MRPL13: variants seen among roughly 807,000 people sequenced by gnomAD.
MRPL13 encodes the protein mitochondrial ribosomal protein L13, also known as large ribosomal subunit protein uL13m.
In MRPL13, 33 loss-of-function variants were observed where a neutral mutation model predicts 29.0. That is an observed-to-expected ratio of 1.14 (90% CI 0.86 to 1.52). The LOEUF is 1.52. MRPL13 is among the 40% of genes most tolerant of loss of function. MRPL13 has a pLI of 0.00. For missense variants in MRPL13, 227 were observed against 216.7 expected, an observed-to-expected ratio of 1.05 and a Z score of -0.30; for synonymous variants, 77 against 68.4, an observed-to-expected ratio of 1.13 and a Z score of -0.62.
At chr8:120,418,466 ATGTTG>A (rs775119635) in intron 5 of MRPL13, among the ~76,000 whole-genome samples, 1 of 152,090 alleles carries the variant, frequency 6.6e-6, no homozygotes, top group African/African-American at 2.4e-5. Context: ...GAGATGCACC[ATGTTG>A]TGCTACCACC....
intron 6 of MRPL13, among the ~76,000 whole-genome samples, chr8:120,406,479 C>T (rs904315117): frequency 5.3e-5 from 8 of 151,258 alleles, no homozygotes; most frequent in East Asian, 1.9e-4. Context: ...CTGTGGGCGC[C>T]GGGAATAAAG....
chr8:120,408,822 G>A (rs1006517902), intron 6 of MRPL13, among the ~76,000 whole-genome samples: 18 of 152,166 alleles, frequency 1.2e-4, no homozygotes, highest in Admixed American at 3.9e-4. Flanking sequence ...AGGATTAACA[G>A]CTTTCATATC....
intron 6 of MRPL13, among the ~76,000 whole-genome samples, chr8:120,409,474 T>A (rs987095585): frequency 1.3e-5 from 2 of 152,148 alleles, no homozygotes; most frequent in African/African-American, 4.8e-5. Context: ...CATGTAACAA[T>A]TGATAGTATT....
At chr8:120,407,402 T>G (rs1812686705) in intron 6 of MRPL13, among the ~76,000 whole-genome samples, 1 of 152,088 alleles carries the variant, frequency 6.6e-6, no homozygotes, top group Non-Finnish European at 1.5e-5. Context: ...TTCCCAGCAC[T>G]TTGGGAGGCC....
rs200151385 is a variant in MRPL13 at position 120,445,137 on chromosome 8, A to G, written c.-43T>C. The G allele has an allele frequency of 3.7e-4, 596 of 1,613,158 alleles. No individual in the cohort carries two copies. The highest frequency in any genetic ancestry group is 4.8e-4 in the Non-Finnish European group (562 of 1,179,450). On this transcript the variant is annotated 5_prime_UTR_variant, in exon 1 of 7. Transcript: ENST00000306185. ...ACCGTACGTCCTTCTCCTAGTAGCC[A>G]CGCCGGGTCACTCAGCCTTACTGGC... is the stretch of plus-strand genomic sequence containing the variant.
chr8:120,399,608 T>C (rs1812563721), intron 6 of MRPL13, among the ~76,000 whole-genome samples: 1 of 152,058 alleles, frequency 6.6e-6, no homozygotes, highest in Admixed American at 6.6e-5. Context: ...AATAACCAGC[T>C]AGCATCATGA....
intron 5 of MRPL13, among the ~76,000 whole-genome samples, chr8:120,419,363 T>A (rs1002544123): frequency 2.0e-5 from 3 of 152,038 alleles, no homozygotes; most frequent in Middle Eastern, 6.8e-3. Flanking sequence ...AATAAAAATG[T>A]TTACACTCTT....
chr8:120,419,308 T>C (rs1253261029), intron 5 of MRPL13, among the ~76,000 whole-genome samples: 3 of 151,940 alleles, frequency 2.0e-5, no homozygotes, highest in Non-Finnish European at 2.9e-5. Flanking sequence ...CATTACATCA[T>C]ATTAAGGAGA....
At chr8:120,419,659 G>T in intron 5 of MRPL13, 193 bp downstream of exon 5, 1 of 358,182 alleles carries the variant, frequency 2.8e-6, no homozygotes, top group Non-Finnish European at 4.9e-6. Flanking sequence ...TCCAATGATG[G>T]TTCATTTTAC....
chr8:120,415,610 G>T (rs1812794342), intron 5 of MRPL13: 1 of 152,066 alleles, frequency 6.6e-6, no homozygotes, highest in South Asian at 2.1e-4. Context: ...GTTTGGATAG[G>T]CTGGGTCACT....
intron 2 of MRPL13, among the ~76,000 whole-genome samples, chr8:120,434,239 A>G (rs1813027791): frequency 6.6e-6 from 1 of 152,132 alleles, no homozygotes; most frequent in African/African-American, 2.4e-5. Flanking sequence ...GAATGAAGTC[A>G]TAATTTTTCC....
At chr8:120,413,955 A>G (rs767866906) in intron 6 of MRPL13, 36 bp downstream of exon 6, 1 of 1,475,638 alleles carries the variant, frequency 6.8e-7, no homozygotes, top group South Asian at 1.6e-5. Context: ...AGAGGATATC[A>G]AAAGAAAAAA....
chr8:120,425,787 G>C (rs1812925625), intron 3 of MRPL13, among the ~76,000 whole-genome samples: 1 of 152,118 alleles, frequency 6.6e-6, no homozygotes, highest in Non-Finnish European at 1.5e-5. Flanking sequence ...TCTGAATTAA[G>C]TTCATACTCT....
chr8:120,442,339 C>T (rs947230163), intron 2 of MRPL13, among the ~76,000 whole-genome samples: 4 of 152,094 alleles, frequency 2.6e-5, no homozygotes, highest in Non-Finnish European at 4.4e-5. Context: ...AAAAATTCTT[C>T]CATGTGTGCT....
chr8:120,437,871 A>C (rs971868468), intron 2 of MRPL13, among the ~76,000 whole-genome samples: 1 of 152,180 alleles, frequency 6.6e-6, no homozygotes, highest in East Asian at 1.9e-4. Flanking sequence ...ACTGTAGGTC[A>C]ATTTTCAAAA....
chr8:120,418,852 T>C (rs111966828), intron 5 of MRPL13, among the ~76,000 whole-genome samples: 8 of 152,118 alleles, frequency 5.3e-5, no homozygotes, highest in Admixed American at 1.3e-4. Context: ...ATTCTACTTA[T>C]TCACTTATAG....
At chr8:120,398,936 A>AACACAC (rs113704349) in intron 6 of MRPL13, among the ~76,000 whole-genome samples, 1 of 149,312 alleles carries the variant, frequency 6.7e-6, no homozygotes, top group African/African-American at 2.5e-5. Flanking sequence ...CACACACACA[A>AACACAC]ACACACACAC....
At position 120,395,936 on chromosome 8, in the gene MRPL13, A is replaced by C; in HGVS notation, c.*168T>G. ...TTCTATAAAATTATATTTTAATTAC[A>C]ATTTCCTATTGAAGGACTATACCTT... On this transcript the variant is annotated 3_prime_UTR_variant, in exon 7 of 7. Coordinates refer to ENST00000306185, the MANE Select transcript of MRPL13 (RefSeq NM_014078.6). 1.9e-6 allele frequency: 1 copy of C among 536,410 alleles called. No individual in the cohort carries two copies. Among genetic ancestry groups the C allele is most frequent in the Non-Finnish European group, 3.4e-6 (1 of 298,046 alleles). The allele number at this position is 536,410 out of a possible 1,614,324, so 33.2% of individuals were successfully genotyped here.
intron 2 of MRPL13, among the ~76,000 whole-genome samples, chr8:120,433,420 A>T (rs1330160756): frequency 6.6e-6 from 1 of 152,080 alleles, no homozygotes; most frequent in African/African-American, 2.4e-5. Flanking sequence ...TTTCCATAAC[A>T]TCTATTTGGA....
Sources: gnomAD v4.1 joint callset for allele counts (sites outside exome capture counted in the v4.1 genomes callset) on GRCh38, gnomAD v4.1.1 for gene constraint, MANE v1.5 for transcripts, NCBI Gene and HGNC (gene_info 2026-07-23, HGNC 2026-07-21) for gene names.